The following TLL1 variants were observed in gnomAD, a reference collection of about 807,000 sequenced individuals.
The protein encoded by TLL1 is tolloid-like protein 1.
A neutral mutation model predicts 128.2 loss-of-function variants in TLL1; 49 were observed. That is an observed-to-expected ratio of 0.38 (90% CI 0.30 to 0.48). TLL1 has a LOEUF of 0.48. Ranked by LOEUF, TLL1 falls within the 20% of genes least tolerant of loss-of-function variation. The pLI is 0.96. For synonymous variants in TLL1, 454 were observed against 418.8 expected, an observed-to-expected ratio of 1.08 and a Z score of -1.03; for missense variants, 1,123 against 1,242.0, an observed-to-expected ratio of 0.90 and a Z score of 1.44.
chr4:166,030,110 A>T (rs190560561), intron 9 of TLL1, among the ~76,000 whole-genome samples: 6 of 152,204 alleles, frequency 3.9e-5, no homozygotes, highest in African/African-American at 1.4e-4. Flanking sequence ...CCTCACTAAG[A>T]CTGCAAAAGG....
chr4:166,036,216 G>T (rs958396369), intron 9 of TLL1, among the ~76,000 whole-genome samples: 1 of 152,074 alleles, frequency 6.6e-6, no homozygotes, highest in Non-Finnish European at 1.5e-5. Context: ...CCAGTCCCTT[G>T]AACTGCTGAT....
intron 1 of TLL1, among the ~76,000 whole-genome samples, chr4:165,930,991 A>C (rs1284935444): frequency 6.6e-6 from 1 of 152,228 alleles, no homozygotes; most frequent in East Asian, 1.9e-4. Context: ...CTTGGGTGTC[A>C]AGCACTGTTC....
chr4:165,919,400 A>T (rs532165985), intron 1 of TLL1, among the ~76,000 whole-genome samples: 2 of 150,648 alleles, frequency 1.3e-5, no homozygotes, highest in Non-Finnish European at 3.0e-5. Flanking sequence ...AAAAAAAAAA[A>T]GAATAAACAA....
intron 1 of TLL1, among the ~76,000 whole-genome samples, chr4:165,889,791 T>C (rs1164280779): frequency 6.6e-6 from 1 of 152,176 alleles, no homozygotes; most frequent in Non-Finnish European, 1.5e-5. Flanking sequence ...TGAAAACAAT[T>C]AATAAGGTTT....
chr4:165,991,236 G>T (rs181489430), intron 2 of TLL1, among the ~76,000 whole-genome samples: 32 of 151,938 alleles, frequency 2.1e-4, no homozygotes, highest in Admixed American at 1.1e-3. Flanking sequence ...AAGAAAAATA[G>T]TGTTATTTTA....
At chr4:165,920,673 T>C (rs773567679) in intron 1 of TLL1, among the ~76,000 whole-genome samples, 2 of 152,184 alleles carry the variant, frequency 1.3e-5, no homozygotes, top group Non-Finnish European at 2.9e-5. Flanking sequence ...AATATTACAA[T>C]CCCATTTTCA....
At chr4:165,950,848 AT>A (rs1397868651) in intron 1 of TLL1, among the ~76,000 whole-genome samples, 1 of 152,080 alleles carries the variant, frequency 6.6e-6, no homozygotes, top group Non-Finnish European at 1.5e-5. Flanking sequence ...TACCTACAGA[AT>A]CTGGAAAAAG....
At chr4:165,922,345 G>A (rs773621036) in intron 1 of TLL1, among the ~76,000 whole-genome samples, 1 of 152,170 alleles carries the variant, frequency 6.6e-6, no homozygotes, top group Non-Finnish European at 1.5e-5. Context: ...TTGAAAGAGT[G>A]GTTTAGAAAG....
At chr4:165,890,645 G>C (rs1008820822) in intron 1 of TLL1, among the ~76,000 whole-genome samples, 2 of 152,210 alleles carry the variant, frequency 1.3e-5, no homozygotes, top group Non-Finnish European at 2.9e-5. Flanking sequence ...GACACAAGAG[G>C]TGGGCTCCCA....
chr4:165,942,188 C>A (rs1734046538), intron 1 of TLL1, among the ~76,000 whole-genome samples: 2 of 151,934 alleles, frequency 1.3e-5, no homozygotes, highest in South Asian at 4.1e-4. Flanking sequence ...ACAACATTGG[C>A]ATTTGCAGTT....
At chr4:165,990,038 T>G (rs1278967340) in intron 2 of TLL1, among the ~76,000 whole-genome samples, 1 of 151,870 alleles carries the variant, frequency 6.6e-6, no homozygotes, top group Non-Finnish European at 1.5e-5. Context: ...AATTTATATA[T>G]CTATATAATT....
At chr4:166,054,519 C>T (rs1309243248) in intron 12 of TLL1, among the ~76,000 whole-genome samples, 1 of 151,082 alleles carries the variant, frequency 6.6e-6, no homozygotes. Flanking sequence ...CACCCACTAA[C>T]TCGTCATCTA....
intron 5 of TLL1, among the ~76,000 whole-genome samples, chr4:166,002,924 G>A (rs1737237182): frequency 6.6e-6 from 1 of 151,976 alleles, no homozygotes; most frequent in African/African-American, 2.4e-5. Flanking sequence ...ATTTAGTACT[G>A]AAATAATATT....
chr4:166,026,509 A>C (rs1208542455), intron 9 of TLL1, among the ~76,000 whole-genome samples: 1 of 152,206 alleles, frequency 6.6e-6, no homozygotes, highest in African/African-American at 2.4e-5. Context: ...CAACATGGTG[A>C]AGCCCCATCT....
intron 1 of TLL1, among the ~76,000 whole-genome samples, chr4:165,930,867 CAT>C (rs1733482743): frequency 1.3e-5 from 2 of 152,164 alleles, no homozygotes; most frequent in East Asian, 1.9e-4. Context: ...CAGAAAAAAA[CAT>C]ATGCATATAT....
chr4:166,021,318 C>T (rs951618412), intron 8 of TLL1, among the ~76,000 whole-genome samples: 2 of 152,024 alleles, frequency 1.3e-5, no homozygotes, highest in African/African-American at 4.8e-5. Context: ...TGAATGGTTG[C>T]CAGGGCCATC....
chr4:166,062,969 G>T (rs963294089), intron 15 of TLL1, among the ~76,000 whole-genome samples: 10 of 152,130 alleles, frequency 6.6e-5, no homozygotes, highest in African/African-American at 2.4e-4. Context: ...TGCATCTATT[G>T]AGATAATCAT....
intron 2 of TLL1, among the ~76,000 whole-genome samples, chr4:165,992,458 C>T (rs997778397): frequency 6.6e-6 from 1 of 151,978 alleles, no homozygotes; most frequent in African/African-American, 2.4e-5. Flanking sequence ...GGCATGCAAT[C>T]AACAGGGCAG....
chr4:165,978,693 G>A (rs948751760), intron 1 of TLL1, among the ~76,000 whole-genome samples: 1 of 152,134 alleles, frequency 6.6e-6, no homozygotes, highest in Non-Finnish European at 1.5e-5. Context: ...CACCAAATAT[G>A]TGCATACGTT....
Sources: allele counts gnomAD v4.1 joint callset (sites outside exome capture counted in the v4.1 genomes callset), GRCh38; gene constraint gnomAD v4.1.1; transcripts MANE v1.5; gene names NCBI Gene and HGNC (gene_info 2026-07-23, HGNC 2026-07-21).